The following CDH3 variants were observed in gnomAD, a reference collection of about 807,000 sequenced individuals.
The protein encoded by CDH3 is cadherin-3.
In CDH3, 54 loss-of-function variants were observed where a neutral mutation model predicts 82.0. The ratio of observed to expected loss-of-function variants is 0.66; its 90% CI spans 0.53 to 0.83. The LOEUF (loss-of-function observed/expected upper bound fraction) is 0.83. CDH3 is among the 40% of genes least tolerant of loss of function. The pLI, the probability that CDH3 is intolerant of heterozygous loss-of-function variation, is 0.00. For missense variants in CDH3, 1,054 were observed against 1,084.6 expected (o/e 0.97, Z 0.40); for synonymous variants, 446 against 437.9 (o/e 1.02, Z -0.23).
At chr16:68,729,885 C>G (rs201441655), downstream of CDH3, among the ~76,000 whole-genome samples, 1 of 152,080 alleles carries the variant, frequency 6.6e-6, no homozygotes, top group African/African-American at 2.4e-5. Context: ...CCTCCTGCCT[C>G]GACCTCCTAA....
intron 9 of CDH3, 63 bp downstream of exon 9, chr16:68,682,550 G>A (rs1160661995): frequency 2.7e-6 from 4 of 1,499,820 alleles, no homozygotes; most frequent in Non-Finnish European, 3.7e-6. Context: ...CAGCCTTCAG[G>A]ATGAGGAGCC....
intron 2 of CDH3, among the ~76,000 whole-genome samples, chr16:68,654,300 C>T (rs1199512948): frequency 6.8e-6 from 1 of 147,496 alleles, no homozygotes; most frequent in African/African-American, 2.5e-5. Context: ...ACCTTGTGAT[C>T]TACCCGCCTT....
chr16:68,658,521 C>T (rs1960469604), intron 2 of CDH3, among the ~76,000 whole-genome samples: 1 of 152,080 alleles, frequency 6.6e-6, no homozygotes, highest in African/African-American at 2.4e-5. Context: ...GTGGAGGGTT[C>T]GGCTGCTCTC....
At chr16:68,655,804 A>C (rs1277013554) in intron 2 of CDH3, among the ~76,000 whole-genome samples, 1 of 152,172 alleles carries the variant, frequency 6.6e-6, no homozygotes. Context: ...CAGAGGTTGC[A>C]GTGAGCTGAG....
chr16:68,733,396 T>C, the CDH3 span, among the ~76,000 whole-genome samples: 1 of 152,022 alleles, frequency 6.6e-6, no homozygotes, highest in East Asian at 2.0e-4. Context: ...CCCAAAGTGC[T>C]GCGATTACAG....
chr16:68,680,116 G>C, intron 7 of CDH3, 142 bp downstream of exon 7: 1 of 789,824 alleles, frequency 1.3e-6, no homozygotes, highest in Non-Finnish European at 2.2e-6. Flanking sequence ...GGCCACTGCT[G>C]GGTTCACATG....
chr16:68,702,144 G>A (rs971399629), downstream of CDH3, among the ~76,000 whole-genome samples: 2 of 151,812 alleles, frequency 1.3e-5, no homozygotes, highest in East Asian at 1.9e-4. Context: ...TGCCCACCTC[G>A]GCCTCCCAAA....
At chr16:68,711,241 C>T (rs1962026534) in intron 1 of CDH3, among the ~76,000 whole-genome samples, 1 of 150,538 alleles carries the variant, frequency 6.6e-6, no homozygotes, top group South Asian at 2.1e-4. Context: ...ACCCAGAAGG[C>T]GGAGGTTGCC....
chr16:68,695,793 A>AG lies in CDH3; in HGVS notation c.2151dup (p.Leu718AlafsTer16). On this transcript the variant is annotated frameshift_variant, in exon 15 of 16. Coordinates refer to ENST00000264012, the MANE Select transcript of CDH3 (RefSeq NM_001793.6). LOFTEE classifies it high-confidence loss of function. ...TCCCCACAGGACTATGACATCACCCAGCTCCACCGAGGTCTGGAGGCCAGG... is the reference window on the plus strand; with the variant it reads ...TCCCCACAGGACTATGACATCACCCAGGCTCCACCGAGGTCTGGAGGCCAGG... The AG allele has an allele frequency of 3.7e-6, 6 of 1,614,076 alleles. No homozygotes were observed. Among genetic ancestry groups the AG allele is most frequent in the Non-Finnish European group, 5.1e-6 (6 of 1,180,008 alleles).
chr16:68,697,039 A>T (rs62057802), intron 15 of CDH3: 1 of 140,618 alleles, frequency 7.1e-6, no homozygotes, highest in Non-Finnish European at 1.6e-5. Context: ...AAAAAAAAAA[A>T]GGCCGGGCAC....
At chr16:68,646,016 C>T (rs1597785586) in intron 2 of CDH3, 1 of 511,780 alleles carries the variant, frequency 2.0e-6, no homozygotes, top group Non-Finnish European at 3.5e-6. Context: ...ATGGCTGAGC[C>T]CCTCACCCAG....
intron 2 of CDH3, 189 bp downstream of exon 2, chr16:68,645,939 G>A (rs982559044): frequency 3.4e-6 from 2 of 595,534 alleles, no homozygotes; most frequent in Non-Finnish European, 6.0e-6. Context: ...GCAGCAGAGC[G>A]CCTATGACAT....
At chr16:68,660,582 T>C (rs945352641) in intron 2 of CDH3, among the ~76,000 whole-genome samples, 14 of 152,348 alleles carry the variant, frequency 9.2e-5, no homozygotes, top group Admixed American at 3.3e-4. Context: ...GAGGAGCTTA[T>C]GAGTTTTTTT....
At chr16:68,682,264 T>C in intron 8 of CDH3, 38 bp from the exon 9 acceptor site, 1 of 1,602,966 alleles carries the variant, frequency 6.2e-7, no homozygotes, top group Non-Finnish European at 8.5e-7. Flanking sequence ...GGACAGTCAT[T>C]CTCTGCTCTG....
intron 1 of CDH3, among the ~76,000 whole-genome samples, chr16:68,710,133 C>T (rs1962009083): frequency 6.6e-6 from 1 of 152,242 alleles, no homozygotes; most frequent in African/African-American, 2.4e-5. Context: ...GGGGAAGTGG[C>T]AGTATCCCTC....
intron 8 of CDH3, 116 bp from the exon 9 acceptor site, chr16:68,682,185 TG>T: frequency 8.8e-7 from 1 of 1,140,492 alleles, no homozygotes; most frequent in Non-Finnish European, 1.3e-6. Context: ...AGTGGGTGGG[TG>T]GTCCAGGAAA....
intron 2 of CDH3, among the ~76,000 whole-genome samples, chr16:68,650,859 C>T (rs570848016): frequency 6.6e-6 from 1 of 151,152 alleles, no homozygotes; most frequent in East Asian, 2.0e-4. Flanking sequence ...GGAACCAAGG[C>T]AAGGGGGGAA....
the CDH3 span, among the ~76,000 whole-genome samples, chr16:68,732,503 C>T: frequency 2.0e-5 from 3 of 152,334 alleles, no homozygotes; most frequent in African/African-American, 4.8e-5. Context: ...TCCCATCATG[C>T]GGGGTCTGTT....
chr16:68,698,932 T>C lies in CDH3; in HGVS notation c.*532T>C, dbSNP rs1223415246. ...TCTGCGTTTTTATACTGAGTGTGCCTAGGTTGCCCCTTATTTTTTATTTTC... is the reference window on the plus strand; with the variant it reads ...TCTGCGTTTTTATACTGAGTGTGCCCAGGTTGCCCCTTATTTTTTATTTTC... On this transcript the variant is annotated 3_prime_UTR_variant, in exon 16 of 16. Coordinates refer to ENST00000264012, the MANE Select transcript of CDH3 (RefSeq NM_001793.6). The C allele has an allele frequency of 6.4e-6, 1 of 156,724 alleles. No individual in the cohort carries two copies. Among genetic ancestry groups the C allele is most frequent in the Admixed American group, 6.2e-5 (1 of 16,026 alleles). The allele number at this position is 156,724 out of a possible 1,614,324, so 9.7% of individuals were successfully genotyped here.
Sources: gnomAD v4.1 joint callset for allele counts (sites outside exome capture counted in the v4.1 genomes callset) on GRCh38, gnomAD v4.1.1 for gene constraint, MANE v1.5 for transcripts, NCBI Gene and HGNC (gene_info 2026-07-23, HGNC 2026-07-21) for gene names.